The following CNTNAP4 variants were observed in gnomAD, a reference collection of about 807,000 sequenced individuals.
CNTNAP4 encodes contactin-associated protein-like 4.
CNTNAP4 carries 98 observed loss-of-function variants against 148.4 expected under a neutral mutation model. That is an observed-to-expected ratio of 0.66 (90% CI 0.56 to 0.78). The LOEUF (loss-of-function observed/expected upper bound fraction) is 0.78. Among genes scored for constraint, CNTNAP4 ranks in the 30% least tolerant of loss-of-function variants. CNTNAP4 has a pLI of 0.00. For synonymous variants in CNTNAP4, 730 were observed against 565.1 expected (o/e 1.29, Z -4.14); for missense variants, 1,935 against 1,565.6 (o/e 1.24, Z -3.98).
Position 76,495,056 on chromosome 16 carries a change from C to A in CNTNAP4, c.2227C>A (p.Arg743=). 6.2e-7 allele frequency: 1 copy of A among 1,612,408 alleles called. No homozygotes were observed. The highest frequency in any genetic ancestry group is 8.5e-7 in the Non-Finnish European group (1 of 1,178,980). ...GTATTACTGCAATTGTGATGCTGAC[C>A]GGAATGAATGGTGATTTCCATATGA... is the stretch of plus-strand genomic sequence containing the variant. The part of the protein sequence containing the change: ...SQYYCNCDAD[R]NEWTNDTGLL... Residue 743 remains arginine, a synonymous_variant, in exon 14 of 24, where the codon CGG becomes AGG. Coordinates refer to ENST00000611870, the MANE Select transcript of CNTNAP4 (RefSeq NM_033401.5).
At chr16:76,414,028 A>T (rs183075299) in intron 3 of CNTNAP4, among the ~76,000 whole-genome samples, 90 of 151,408 alleles carry the variant, frequency 5.9e-4, no homozygotes, top group African/African-American at 2.0e-3. Flanking sequence ...CTTCCTTTCC[A>T]ATCCTACTAC....
At position 76,331,989 on chromosome 16, in the gene CNTNAP4, G is replaced by A. The variant is rs192009309; in HGVS notation, c.196+15466G>A. On this transcript the variant is annotated intron_variant, in intron 2 of 23. Coordinates refer to ENST00000611870, the MANE Select transcript of CNTNAP4 (RefSeq NM_033401.5). ...AGTTTTACTAGATTTAGAATGTTTG[G>A]CAAATAGTTTTATTTTTCTTTCAGC... Among the ~76,000 whole-genome samples the A allele has an allele frequency of 4.7e-3, 710 of 152,206 alleles. 2 individuals carry two copies. The highest frequency in any genetic ancestry group is 0.015 in the African/African-American group (638 of 41,524).
rs1328901750 is a variant in CNTNAP4 at position 76,523,551 on chromosome 16, A to C, written c.2755+1294A>C. On this transcript the variant is annotated intron_variant, in intron 17 of 23. Transcript: ENST00000611870. ...TCGTTTGTAGAAGTTATGGACCATG[A>C]ATTATCTCTTACTTGATCACTTCTC... 2.6e-5 allele frequency among the ~76,000 whole-genome samples: 4 copies of C among 152,256 alleles called. No homozygotes were observed. The South Asian group carries it at 6.2e-4, about 24-fold the overall frequency.
chr16:76,438,553 C>G (rs184662977), intron 4 of CNTNAP4, among the ~76,000 whole-genome samples: 16 of 152,100 alleles, frequency 1.1e-4, no homozygotes, highest in Admixed American at 4.6e-4. Flanking sequence ...GAGCTAAGGA[C>G]AAAACCAAAA....
chr16:76,494,987 C>CA lies in CNTNAP4; in HGVS notation c.2163dup (p.Cys722MetfsTer11). ...CTGGGGAGGTTCTTCGCCTGATCTT[C>CA]AAAAATGTACTTGTGGATTAGAGGG... is the stretch of plus-strand genomic sequence containing the variant. On this transcript the variant is annotated frameshift_variant, in exon 14 of 24. Coordinates refer to ENST00000611870, the MANE Select transcript of CNTNAP4 (RefSeq NM_033401.5). LOFTEE classifies it high-confidence loss of function. 6.2e-7 allele frequency: 1 copy of CA among 1,613,530 alleles called. No individual in the cohort carries two copies. The highest frequency in any genetic ancestry group is 8.5e-7 in the Non-Finnish European group (1 of 1,179,616).
chr16:76,452,803 G>T, intron 8 of CNTNAP4, 34 bp downstream of exon 8: 2 of 1,476,326 alleles, frequency 1.4e-6, no homozygotes, highest in South Asian at 1.5e-5. Context: ...AAAGCATATG[G>T]ATTTGAAAGA....
chr16:76,325,016 T>A (rs1962823399), intron 2 of CNTNAP4, among the ~76,000 whole-genome samples: 1 of 152,046 alleles, frequency 6.6e-6, no homozygotes, highest in Non-Finnish European at 1.5e-5. Context: ...TTGACATACC[T>A]GAGAGAAACC....
chr16:76,427,629 A>G (rs374681246), intron 4 of CNTNAP4, 30 bp downstream of exon 4: 14 of 1,555,338 alleles, frequency 9.0e-6, no homozygotes, highest in Non-Finnish European at 1.1e-5. Context: ...ATACACTGAC[A>G]TAGATATCAA....
chr16:76,342,629 C>T (rs557874629), intron 2 of CNTNAP4, among the ~76,000 whole-genome samples: 45 of 152,036 alleles, frequency 3.0e-4, no homozygotes, highest in Non-Finnish European at 5.9e-4. Context: ...CCCGCCACCA[C>T]GCTTGGCTAA....
intron 3 of CNTNAP4, among the ~76,000 whole-genome samples, chr16:76,423,602 G>A (rs898940474): frequency 1.3e-5 from 2 of 152,058 alleles, no homozygotes; most frequent in African/African-American, 2.4e-5. Context: ...CTAGGCAAAG[G>A]AATACATTTG....
chr16:76,380,565 C>A (rs986082416), intron 3 of CNTNAP4, among the ~76,000 whole-genome samples: 2 of 152,048 alleles, frequency 1.3e-5, no homozygotes, highest in African/African-American at 4.8e-5. Context: ...TAGATTCAAG[C>A]GAAGTGTAAC....
At chr16:76,450,127 G>T (rs1024173568) in intron 7 of CNTNAP4, among the ~76,000 whole-genome samples, 4 of 151,914 alleles carry the variant, frequency 2.6e-5, no homozygotes. Context: ...TTACTCACAG[G>T]AGCCTAATTT....
At chr16:76,363,423 A>G (rs2013687803) in intron 3 of CNTNAP4, among the ~76,000 whole-genome samples, 1 of 151,984 alleles carries the variant, frequency 6.6e-6, no homozygotes, top group African/African-American at 2.4e-5. Context: ...TGGCCTCCCA[A>G]AGTGCTGAGA....
intron 2 of CNTNAP4, 150 bp downstream of exon 2, chr16:76,316,673 T>C (rs1673300668): frequency 1.6e-6 from 1 of 625,746 alleles, no homozygotes; most frequent in African/African-American, 1.8e-5. Context: ...GTATATGACA[T>C]CTAGCTTCTG....
At chr16:76,415,640 G>C (rs2078945554) in intron 3 of CNTNAP4, among the ~76,000 whole-genome samples, 1 of 120,790 alleles carries the variant, frequency 8.3e-6, no homozygotes, top group Admixed American at 8.9e-5. Flanking sequence ...GTAAACACCT[G>C]TTTAACCCCA....
intron 12 of CNTNAP4, among the ~76,000 whole-genome samples, chr16:76,485,988 C>A (rs755831700): frequency 6.6e-6 from 1 of 152,230 alleles, no homozygotes; most frequent in Non-Finnish European, 1.5e-5. Context: ...GCAACACAAG[C>A]TTTGCAAGTG....
chr16:76,535,073 C>A (rs1051322746), intron 17 of CNTNAP4, among the ~76,000 whole-genome samples: 2 of 152,096 alleles, frequency 1.3e-5, no homozygotes, highest in Non-Finnish European at 2.9e-5. Context: ...TGGATAACAA[C>A]CAAAGGACCA....
chr16:76,330,691 T>C (rs1054805439), intron 2 of CNTNAP4, among the ~76,000 whole-genome samples: 2 of 152,254 alleles, frequency 1.3e-5, no homozygotes, highest in African/African-American at 4.8e-5. Context: ...TTGTGTGCTA[T>C]TTCTTATACT....
At chr16:76,343,685 C>G (rs141866821) in intron 2 of CNTNAP4, among the ~76,000 whole-genome samples, 2 of 152,212 alleles carry the variant, frequency 1.3e-5, no homozygotes, top group Non-Finnish European at 2.9e-5. Context: ...TACATTTGCT[C>G]TCTTCCCCAT....
Sources: allele counts gnomAD v4.1 joint callset (sites outside exome capture counted in the v4.1 genomes callset), GRCh38; gene constraint gnomAD v4.1.1; transcripts MANE v1.5; gene names NCBI Gene and HGNC (gene_info 2026-07-23, HGNC 2026-07-21).